The following DUOX1 variants were observed in gnomAD, a reference collection of about 807,000 sequenced individuals.
DUOX1 encodes the protein NADPH thyroid oxidase 1.
A neutral mutation model predicts 181.8 loss-of-function variants in DUOX1; 134 were observed. The observed-to-expected ratio is 0.74, with a 90% CI of 0.64 to 0.85. The LOEUF (loss-of-function observed/expected upper bound fraction) is 0.85, where lower values mean the gene tolerates loss of function less well. Ranked by LOEUF, DUOX1 falls within the 40% of genes least tolerant of loss-of-function variation. DUOX1 has a pLI of 0.00. For synonymous variants in DUOX1, 798 were observed against 832.5 expected (o/e 0.96, Z 0.71); for missense variants, 1,814 against 2,064.4 (o/e 0.88, Z 2.35).
intron 15 of DUOX1, among the ~76,000 whole-genome samples, chr15:45,142,916 C>A (rs990422829): frequency 6.6e-6 from 1 of 151,994 alleles, no homozygotes; most frequent in Non-Finnish European, 1.5e-5. Context: ...AGTCTAGTCT[C>A]TGACACAAGG....
rs752222426 is a variant in DUOX1 at position 45,147,906 on chromosome 15, T to C, written c.2551T>C (p.Ser851Pro). Residue 851 changes from serine (S) to proline (P), a missense_variant and splice_region_variant, in exon 20 of 34, where the codon TCT (serine) becomes CCT (proline). Physicochemically the swap from Ser to Pro is moderately conservative, Grantham distance 74. Transcript: ENST00000389037. The part of the protein sequence containing the change: ...LDILVVFMKG[S>P]PEEKSRLMFR... The stretch of plus-strand genomic sequence containing the variant: ...TTATGGAGTCCTCCCTCTCCCAGGC[T>C]CTCCTGAGGAAAAGTCTCGCCTTAT... 7 of 1,613,792 alleles carry C rather than the reference T, an allele frequency of 4.3e-6. No homozygotes were observed. Among genetic ancestry groups the C allele is most frequent in the South Asian group, 2.2e-5 (2 of 91,066 alleles).
At chr15:45,162,469 G>A in intron 31 of DUOX1, 92 bp downstream of exon 31, 1 of 1,522,382 alleles carries the variant, frequency 6.6e-7, no homozygotes, top group Non-Finnish European at 8.9e-7. Context: ...TTTGTTCTTG[G>A]CTTCCCTGAA....
At chr15:45,142,799 G>GGAAGGAAGGAAGGAA (rs1567012349) in intron 15 of DUOX1, among the ~76,000 whole-genome samples, 1 of 149,238 alleles carries the variant, frequency 6.7e-6, no homozygotes, top group African/African-American at 2.5e-5. Flanking sequence ...GAGGGAGGAA[G>GGAAGGAAGGAAGGAA]GGAGGGAGGA....
At chr15:45,145,651 C>T (rs1896632658) in intron 18 of DUOX1, among the ~76,000 whole-genome samples, 1 of 152,174 alleles carries the variant, frequency 6.6e-6, no homozygotes, top group South Asian at 2.1e-4. Context: ...TGCGGTGGCT[C>T]ACACCTGTAA....
rs1055566723 is a variant in DUOX1 at position 45,144,383 on chromosome 15, TAGAG to T, written c.2136+152_2136+155del. 76 of 832,980 alleles carry T rather than the reference TAGAG, an allele frequency of 9.1e-5. 1 individual carries two copies. The highest frequency in any genetic ancestry group is 9.1e-4 in the African/African-American group (54 of 59,454). 51.6% of individuals were successfully genotyped at this position (832,980 alleles called of 1,614,324 possible). On this transcript the variant is annotated intron_variant, in intron 17 of 33. Coordinates refer to ENST00000389037, the MANE Select transcript of DUOX1 (RefSeq NM_175940.3). Reference sequence around the variant, plus strand: ...TCTTGTTCCCAGGTGGAGTACCTGATAGAGAGATAAACTTGGACACGTTTATCCT... The same window carrying T: ...TCTTGTTCCCAGGTGGAGTACCTGATAGATAAACTTGGACACGTTTATCCT...
In DUOX1 at chr15:45,147,515, T is replaced by G. The variant is rs781588529; in HGVS notation, c.2405T>G (p.Leu802Arg). 6.2e-7 allele frequency: 1 copy of G among 1,614,008 alleles called. No individual in the cohort carries two copies. Among genetic ancestry groups the G allele is most frequent in the African/African-American group, 1.3e-5 (1 of 74,944 alleles). Residue 802 changes from leucine (L) to arginine (R), a missense_variant, in exon 19 of 34, where the codon CTG (leucine) becomes CGG (arginine). Physicochemically the swap from Leu to Arg is moderately radical, Grantham distance 102. Around this residue, in one of 5 missense-constraint regions of DUOX1, gnomAD observed 1,064 missense variants for 1,152.9 expected, o/e 0.92. Transcript: ENST00000389037. ...GTGCGGGAGGCCCTGACCTGTGAGC[T>G]GAGCAGGGCCGAGTTTGCCGAGTCC... ...QKVREALTCELSRAEFAESLG... is the reference protein window; with the variant it reads ...QKVREALTCERSRAEFAESLG...
At position 45,155,803 on chromosome 15, in the gene DUOX1, C is replaced by T; in HGVS notation, c.3576C>T (p.Gly1192=). ...TTCCACCCTATATTCATTTTGCAGG[C>T]CTCACGGGGGTTGTGCTGCTCCTGA... ...YYWWFFQTVP[G]LTGVVLLLIL... is the part of the protein sequence containing the mutation. The change falls in exon 28 of 34, where the codon GGC becomes GGT. Residue 1192 remains glycine, a splice_region_variant and synonymous_variant. Coordinates refer to ENST00000389037, the MANE Select transcript of DUOX1 (RefSeq NM_175940.3). 1 of 1,613,648 alleles carries T rather than the reference C, an allele frequency of 6.2e-7. No homozygotes were observed.
At position 45,139,151 on chromosome 15, in the gene DUOX1, T is replaced by C. The variant is rs759171307; in HGVS notation, c.1199T>C (p.Leu400Ser). The stretch of plus-strand genomic sequence containing the variant: ...ATCGCAGAGCGAGAGGACCATGTGT[T>C]GGTTGAAGATGTGCGGGGTGAGTCT... ...SQIAEREDHV[L>S]VEDVRDFWPG... The change falls in exon 11 of 34, where the codon TTG (leucine) becomes TCG (serine). Residue 400 changes from leucine (L) to serine (S), a missense_variant. Physicochemically the swap from Leu to Ser is moderately radical, Grantham distance 145. Around this residue, in one of 5 missense-constraint regions of DUOX1, gnomAD observed 1,064 missense variants for 1,152.9 expected, o/e 0.92. Transcript: ENST00000389037. 1.2e-5 allele frequency: 19 copies of C among 1,614,034 alleles called. No individual in the cohort carries two copies. Among genetic ancestry groups the C allele is most frequent in the Admixed American group, 5.0e-5 (3 of 59,996 alleles).
At chr15:45,139,221 G>A (rs535844168) in intron 11 of DUOX1, 53 bp downstream of exon 11, 1 of 1,612,404 alleles carries the variant, frequency 6.2e-7, no homozygotes, top group Non-Finnish European at 8.5e-7. Context: ...CTGGGAAGAG[G>A]CTCAGCTGGA....
At chr15:45,133,431 C>T (rs565626494) in intron 2 of DUOX1, among the ~76,000 whole-genome samples, 96 of 152,260 alleles carry the variant, frequency 6.3e-4, no homozygotes, top group South Asian at 1.0e-3. Flanking sequence ...TGTCCTTCTC[C>T]GGTATGGAGT....
At chr15:45,139,248 T>C in intron 11 of DUOX1, 80 bp downstream of exon 11, 1 of 1,609,230 alleles carries the variant, frequency 6.2e-7, no homozygotes, top group Non-Finnish European at 8.5e-7. Flanking sequence ...GAACCAGGTA[T>C]GAGGGGGTGC....
Position 45,164,937 on chromosome 15 carries a change from A to G in DUOX1, c.*36A>G, listed in dbSNP as rs554909200. The G allele has an allele frequency of 3.4e-5, 54 of 1,610,030 alleles. No individual in the cohort carries two copies. The South Asian group carries it at 5.1e-4, about 15-fold the overall frequency. ...GGGGGTTCTGCCCACTGCCCAGTTG[A>G]GCAGAGGTTTGAGCCCACACCTCAC... On this transcript the variant is annotated 3_prime_UTR_variant, in exon 34 of 34. Coordinates refer to ENST00000389037, the MANE Select transcript of DUOX1 (RefSeq NM_175940.3).
Position 45,137,996 on chromosome 15 carries a change from C to T in DUOX1, c.1095C>T (p.Asn365=), listed in dbSNP as rs1351307747. 1.2e-6 allele frequency: 2 copies of T among 1,609,568 alleles called. No individual in the cohort carries two copies. The highest frequency in any genetic ancestry group is 3.4e-5 in the Admixed American group (2 of 59,688). ...SSVSRALRVC[N]SYWSREHPSL... Reference sequence around the variant, plus strand: ...TCTCCAGAGCTCTCCGGGTCTGCAACAGCTACTGGAGCCGTGAGGTCCGAG... The same window carrying T: ...TCTCCAGAGCTCTCCGGGTCTGCAATAGCTACTGGAGCCGTGAGGTCCGAG... Residue 365 remains asparagine, a synonymous_variant, in exon 10 of 34, where the codon AAC becomes AAT. Coordinates refer to ENST00000389037, the MANE Select transcript of DUOX1 (RefSeq NM_175940.3).
intron 28 of DUOX1, among the ~76,000 whole-genome samples, chr15:45,159,438 C>A (rs1897044248): frequency 6.6e-6 from 1 of 152,190 alleles, no homozygotes; most frequent in Admixed American, 6.5e-5. Flanking sequence ...GTGCCTCAGG[C>A]TTCTAAGAGT....
At chr15:45,143,063 C>T in intron 15 of DUOX1, 127 bp from the exon 16 acceptor site, 7 of 697,330 alleles carry the variant, frequency 1.0e-5, no homozygotes, top group Non-Finnish European at 1.7e-5. Flanking sequence ...CAATCTGAAA[C>T]AATTGAGCAA....
Position 45,135,659 on chromosome 15 carries a change from GC to G in DUOX1, c.685del (p.Arg229GlyfsTer112). ...CCGACCCCGCCACCGGGCAGAACGG[GC>G]CCCGGGGGCTGTACGGTGAGGCCAC... ...APDPATGQNGPRGLYAFGAER... is the reference protein window; with the variant it reads ...APDPATGQNGXRGLYAFGAER... On this transcript the variant is annotated frameshift_variant, in exon 6 of 34. Coordinates refer to ENST00000389037, the MANE Select transcript of DUOX1 (RefSeq NM_175940.3). LOFTEE classifies it high-confidence loss of function. 1 of 1,502,780 alleles carries G rather than the reference GC, an allele frequency of 6.7e-7. No homozygotes were observed. Among genetic ancestry groups the G allele is most frequent in the Non-Finnish European group, 8.9e-7 (1 of 1,125,500 alleles). 93.1% of individuals were successfully genotyped at this position (1,502,780 alleles called of 1,614,324 possible).
At chr15:45,133,249 C>T (rs938043027) in intron 2 of DUOX1, among the ~76,000 whole-genome samples, 1 of 152,100 alleles carries the variant, frequency 6.6e-6, no homozygotes, top group African/African-American at 2.4e-5. Context: ...ACAAGATGCC[C>T]CAGAAAAAGG....
chr15:45,151,389 C>G, intron 23 of DUOX1, 141 bp downstream of exon 23: 1 of 1,115,012 alleles, frequency 9.0e-7, no homozygotes, highest in South Asian at 1.6e-5. Flanking sequence ...ACATCACAAT[C>G]TAAGAAGAGA....
chr15:45,164,926 C>T lies in DUOX1; in HGVS notation c.*25C>T, dbSNP rs760201955. Reference sequence around the variant, plus strand: ...GGCCCCTGCCCGGGGGTTCTGCCCACTGCCCAGTTGAGCAGAGGTTTGAGC... The same window carrying T: ...GGCCCCTGCCCGGGGGTTCTGCCCATTGCCCAGTTGAGCAGAGGTTTGAGC... On this transcript the variant is annotated 3_prime_UTR_variant, in exon 34 of 34. Coordinates refer to ENST00000389037, the MANE Select transcript of DUOX1 (RefSeq NM_175940.3). 2 of 1,613,202 alleles carry T rather than the reference C, an allele frequency of 1.2e-6. No individual in the cohort carries two copies. The highest frequency in any genetic ancestry group is 2.2e-5 in the East Asian group (1 of 44,858).
Sources: gnomAD v4.1 joint callset for allele counts (sites outside exome capture counted in the v4.1 genomes callset) on GRCh38, gnomAD v4.1.1 for gene constraint, gnomAD v4.1.1 regional missense constraint, MANE v1.5 for transcripts, NCBI Gene and HGNC (gene_info 2026-07-23, HGNC 2026-07-21) for gene names.